NRG1: variants seen among roughly 807,000 people sequenced by gnomAD.
The protein encoded by NRG1 is pro-neuregulin-1, membrane-bound isoform.
A neutral mutation model predicts 63.8 loss-of-function variants in NRG1; 18 were observed. That is an observed-to-expected ratio of 0.28 (90% confidence interval 0.19 to 0.42). The LOEUF is 0.42. NRG1 is among the 10% of genes least tolerant of loss of function. NRG1 has a pLI of 1.00. For missense variants in NRG1, 762 were observed against 814.7 expected (o/e 0.94, Z 0.79); for synonymous variants, 302 against 301.3 (o/e 1.00, Z -0.02).
intron 1 of NRG1, among the ~76,000 whole-genome samples, chr8:32,480,249 AG>A (rs537841076): frequency 3.3e-5 from 5 of 152,262 alleles, no homozygotes; most frequent in African/African-American, 1.2e-4. Context: ...TCTAAAAAAA[AG>A]TCAGCCTCAT....
chr8:32,738,167 A>G (rs1216970437), intron 6 of NRG1, among the ~76,000 whole-genome samples: 1 of 152,104 alleles, frequency 6.6e-6, no homozygotes, highest in Non-Finnish European at 1.5e-5. Flanking sequence ...CACAATACAG[A>G]TAAGTGCAGT....
At chr8:31,719,393 A>C (rs998677619) in intron 1 of NRG1, among the ~76,000 whole-genome samples, 15 of 152,344 alleles carry the variant, frequency 9.8e-5, no homozygotes, top group Admixed American at 9.8e-4. Context: ...GTAACTGCTA[A>C]TTCTACATTT....
intron 1 of NRG1, among the ~76,000 whole-genome samples, chr8:31,734,113 G>A (rs1374687921): frequency 6.6e-6 from 1 of 152,082 alleles, no homozygotes; most frequent in Non-Finnish European, 1.5e-5. Context: ...GATTGCATGA[G>A]GTCAGGAGTT....
At chr8:31,962,589 T>G (rs192333956) in intron 1 of NRG1, among the ~76,000 whole-genome samples, 4 of 152,286 alleles carry the variant, frequency 2.6e-5, no homozygotes, top group African/African-American at 7.2e-5. Context: ...CTTGGAGTTT[T>G]CTATATTTTC....
At chr8:32,437,107 T>C (rs1164472465) in intron 1 of NRG1, among the ~76,000 whole-genome samples, 1 of 152,098 alleles carries the variant, frequency 6.6e-6, no homozygotes, top group Non-Finnish European at 1.5e-5. Context: ...TATCAGGGGA[T>C]CTTCCACTTC....
At chr8:31,976,330 C>T (rs1319297859) in intron 1 of NRG1, among the ~76,000 whole-genome samples, 1 of 152,004 alleles carries the variant, frequency 6.6e-6, no homozygotes, top group Non-Finnish European at 1.5e-5. Context: ...TCTGGGTCTC[C>T]CTTCATCTTT....
At chr8:32,581,650 AAGAGGGATACTTAAC>A (rs1488212557) in intron 1 of NRG1, among the ~76,000 whole-genome samples, 1 of 152,216 alleles carries the variant, frequency 6.6e-6, no homozygotes, top group African/African-American at 2.4e-5. Flanking sequence ...AGAAACATGG[AAGAGGGATACTTAAC>A]TTATTATTCA....
At position 31,839,014 on chromosome 8, in the gene NRG1, G is replaced by A. The variant is rs149461597; in HGVS notation, c.37+199583G>A. Among the ~76,000 whole-genome samples the A allele has an allele frequency of 6.6e-5, 10 of 152,146 alleles. No homozygotes were observed. The East Asian group carries it at 1.2e-3, about 18-fold the overall frequency. On this transcript the variant is annotated intron_variant, in intron 1 of 10. Coordinates refer to the NRG1 transcript ENST00000519301. The stretch of plus-strand genomic sequence containing the variant: ...GACTTTTCCCTTGAAATGTAGTGCT[G>A]GCATTTAGGTTGAGATAGAAATATT...
intron 1 of NRG1, among the ~76,000 whole-genome samples, chr8:32,315,540 T>C (rs1857288656): frequency 6.6e-6 from 1 of 152,238 alleles, no homozygotes; most frequent in Non-Finnish European, 1.5e-5. Flanking sequence ...AATAAACATA[T>C]GCACACTCAC....
chr8:32,053,935 G>A (rs1166380842), intron 1 of NRG1, among the ~76,000 whole-genome samples: 1 of 152,016 alleles, frequency 6.6e-6, no homozygotes, highest in Non-Finnish European at 1.5e-5. Flanking sequence ...AATTTTCATT[G>A]GTTATATTTT....
chr8:32,410,766 G>A (rs1438835408), intron 1 of NRG1, among the ~76,000 whole-genome samples: 1 of 152,024 alleles, frequency 6.6e-6, no homozygotes, highest in Non-Finnish European at 1.5e-5. Context: ...TGGGACACCA[G>A]CCTTCTGCAA....
chr8:31,696,572 C>A (rs1810086428), intron 1 of NRG1, among the ~76,000 whole-genome samples: 1 of 152,134 alleles, frequency 6.6e-6, no homozygotes. Context: ...GAGGGATGGA[C>A]CTGATGTGTC....
At chr8:32,146,658 T>C (rs1383964) in intron 1 of NRG1, among the ~76,000 whole-genome samples, 69,769 of 151,930 alleles carry the variant, frequency 0.46, 17,992 homozygotes, top group Admixed American at 0.58. Flanking sequence ...ACCTTGATTG[T>C]TTGGTATCAT....
At chr8:32,046,647 A>C (rs1333353294) in intron 1 of NRG1, among the ~76,000 whole-genome samples, 2 of 152,094 alleles carry the variant, frequency 1.3e-5, no homozygotes, top group East Asian at 3.9e-4. Context: ...ACTTGGATGA[A>C]TTTCAAAGGC....
chr8:31,889,352 C>T (rs942719107), intron 1 of NRG1, among the ~76,000 whole-genome samples: 1 of 152,150 alleles, frequency 6.6e-6, no homozygotes, highest in Non-Finnish European at 1.5e-5. Context: ...AATTTGAAAA[C>T]GAGTGAGAGG....
chr8:32,459,406 C>T (rs1305689018), intron 1 of NRG1, among the ~76,000 whole-genome samples: 1 of 152,132 alleles, frequency 6.6e-6, no homozygotes, highest in African/African-American at 2.4e-5. Flanking sequence ...TTTTTAAGCC[C>T]TTTTTTTATT....
At chr8:32,705,004 A>G (rs897874482) in intron 5 of NRG1, among the ~76,000 whole-genome samples, 2 of 152,146 alleles carry the variant, frequency 1.3e-5, no homozygotes, top group African/African-American at 2.4e-5. Context: ...AGTTGTTTCT[A>G]TTGTTGGATA....
intron 1 of NRG1, among the ~76,000 whole-genome samples, chr8:31,648,793 T>TGAA (rs1299653575): frequency 1.3e-5 from 2 of 152,250 alleles, no homozygotes; most frequent in Non-Finnish European, 2.9e-5. Flanking sequence ...ATTTTGTTTA[T>TGAA]TCATCCATCC....
intron 1 of NRG1, among the ~76,000 whole-genome samples, chr8:32,511,400 A>ATATAT (rs1554567530): frequency 2.4e-4 from 26 of 108,534 alleles, no homozygotes; most frequent in African/African-American, 7.8e-4. Context: ...TATATATATA[A>ATATAT]ATAAAATAAA....
Sources: gnomAD v4.1 joint callset for allele counts (sites outside exome capture counted in the v4.1 genomes callset) on GRCh38, gnomAD v4.1.1 for gene constraint, MANE v1.5 for transcripts, NCBI Gene and HGNC (gene_info 2026-07-23, HGNC 2026-07-21) for gene names.